Variants in CNNM2 observed in about 807,000 individuals in gnomAD.
The protein encoded by CNNM2 is cyclin and CBS domain divalent metal cation transport mediator 2.
In CNNM2, 12 loss-of-function variants were observed where a neutral mutation model predicts 66.9. The observed-to-expected ratio is 0.18, with a 90% confidence interval of 0.11 to 0.29. The LOEUF (loss-of-function observed/expected upper bound fraction) is 0.29, where lower values mean the gene tolerates loss of function less well. Among genes scored for constraint, CNNM2 ranks in the 10% least tolerant of loss-of-function variants. The probability of loss-of-function intolerance (pLI) is 1.00; values close to 1 mark genes in which losing one functional copy is unlikely to be tolerated. For missense variants in CNNM2, 705 were observed against 1,167.7 expected (o/e 0.60, Z 5.77); for synonymous variants, 557 against 501.8 (o/e 1.11, Z -1.47).
rs554733267 is a variant in CNNM2 at position 102,981,336 on chromosome 10, C to T, written c.1621+61235C>T. On this transcript the variant is annotated intron_variant, in intron 1 of 7. Transcript: ENST00000369878. ...GTGTACTTCAGCTTGGGTGACAGAGCGAGACCAGTCTCAAAAAAAAACCCC... is the reference window on the plus strand; with the variant it reads ...GTGTACTTCAGCTTGGGTGACAGAGTGAGACCAGTCTCAAAAAAAAACCCC... Among the ~76,000 whole-genome samples the T allele has an allele frequency of 3.1e-4, 47 of 151,828 alleles. 1 individual carries two copies. The highest frequency in any genetic ancestry group is 4.0e-4 in the Non-Finnish European group (27 of 67,934).
intron 1 of CNNM2, among the ~76,000 whole-genome samples, chr10:103,004,968 A>G (rs1402694006): frequency 6.6e-6 from 1 of 152,052 alleles, no homozygotes; most frequent in Non-Finnish European, 1.5e-5. Flanking sequence ...GCCCTCCATT[A>G]TTGAATGGTC....
In CNNM2 at chr10:103,020,489, T is replaced by TCAACC. The variant is rs532886161; in HGVS notation, c.1622-29217_1622-29213dup. Among the ~76,000 whole-genome samples the TCAACC allele has an allele frequency of 2.1e-3, 325 of 152,312 alleles. 2 individuals are homozygous for TCAACC. Among genetic ancestry groups the TCAACC allele is most frequent in the African/African-American group, 7.6e-3 (317 of 41,572 alleles). On this transcript the variant is annotated intron_variant, in intron 1 of 7. Coordinates refer to ENST00000369878, the MANE Select transcript of CNNM2 (RefSeq NM_017649.5). ...CTTTGGGTTATATTAATTAATCCAT[T>TCAACC]CAACCAATATTTAATCAGTATTTTC...
At chr10:102,971,269 A>C (rs2063543725) in intron 1 of CNNM2, among the ~76,000 whole-genome samples, 2 of 151,946 alleles carry the variant, frequency 1.3e-5, no homozygotes, top group Non-Finnish European at 2.9e-5. Context: ...AAAGAAAAAA[A>C]AAAAAGTCTC....
rs1282509211 is a variant in CNNM2, at chr10:102,919,880, T to TA, written c.1400_1401insA (p.Phe467LeufsTer6). 6.2e-7 allele frequency: 1 copy of TA among 1,614,198 alleles called. No individual in the cohort carries two copies. The highest frequency in any genetic ancestry group is 8.5e-7 in the Non-Finnish European group (1 of 1,180,038). On this transcript the variant is annotated frameshift_variant, in exon 1 of 8. Transcript: ENST00000369878. LOFTEE classifies it high-confidence loss of function. ...ATCACCGGCGAAGCCATCCTGGACTTCAACACCATGTCTGAGATCATGGAG... is the reference window on the plus strand; with the variant it reads ...ATCACCGGCGAAGCCATCCTGGACTTACAACACCATGTCTGAGATCATGGAG...
chr10:103,011,682 G>GTGTGTGTGTGTGTGTA (rs747928487), intron 1 of CNNM2, among the ~76,000 whole-genome samples: 54 of 148,354 alleles, frequency 3.6e-4, no homozygotes, highest in African/African-American at 1.2e-3. Flanking sequence ...GTGTGTGTGT[G>GTGTGTGTGTGTGTGTA]TGTATGTATA....
In CNNM2 at chr10:103,059,527, A is replaced by G. The variant is rs190287904; in HGVS notation, c.2073+2563A>G. On this transcript the variant is annotated intron_variant, in intron 4 of 7. Transcript: ENST00000369878. ...TTACCATGTACATACCTCCCACTAC[A>G]TATGCATAAAAAAGCCAAAACTTCA... Among the ~76,000 whole-genome samples the G allele has an allele frequency of 4.6e-3, 696 of 152,354 alleles. 25 individuals are homozygous for G. The highest frequency in any genetic ancestry group is 0.043 in the Admixed American group (658 of 15,304).
intron 2 of CNNM2, among the ~76,000 whole-genome samples, chr10:103,053,172 T>A (rs1394162756): frequency 1.3e-5 from 2 of 152,216 alleles, no homozygotes; most frequent in Non-Finnish European, 2.9e-5. Context: ...GTGCCTGCAC[T>A]CTGCTTCTGG....
chr10:103,036,053 C>A (rs1161743542), intron 1 of CNNM2, among the ~76,000 whole-genome samples: 1 of 152,070 alleles, frequency 6.6e-6, no homozygotes, highest in East Asian at 1.9e-4. Flanking sequence ...TTGCTTTCTG[C>A]TTTCTGTTAA....
At chr10:102,937,933 GTTTAA>G (rs1846299277) in intron 1 of CNNM2, among the ~76,000 whole-genome samples, 1 of 151,764 alleles carries the variant, frequency 6.6e-6, no homozygotes, top group Non-Finnish European at 1.5e-5. Context: ...CCCCAGAAAC[GTTTAA>G]TTTAACTATA....
chr10:103,010,195 G>A (rs920464893), intron 1 of CNNM2, among the ~76,000 whole-genome samples: 2 of 151,814 alleles, frequency 1.3e-5, no homozygotes, highest in Non-Finnish European at 2.9e-5. Context: ...AGAGGAAAAT[G>A]TACATTGCAA....
At chr10:103,021,867 G>A (rs2064588789) in intron 1 of CNNM2, among the ~76,000 whole-genome samples, 1 of 152,136 alleles carries the variant, frequency 6.6e-6, no homozygotes, top group Non-Finnish European at 1.5e-5. Flanking sequence ...CTTCTGCCGT[G>A]TATGTGTGAA....
intron 1 of CNNM2, among the ~76,000 whole-genome samples, chr10:102,995,990 G>T (rs556761848): frequency 6.6e-6 from 1 of 152,172 alleles, no homozygotes; most frequent in Non-Finnish European, 1.5e-5. Context: ...ATGAGCCACC[G>T]TGCCTGGCCT....
chr10:103,073,868 C>CAAAAAAAAA (rs61331007), intron 6 of CNNM2, among the ~76,000 whole-genome samples: 2 of 70,240 alleles, frequency 2.8e-5, no homozygotes, highest in Non-Finnish European at 4.9e-5. Context: ...GACTCCGTCT[C>CAAAAAAAAA]AAAAAAAAAA....
chr10:103,039,017 A>G (rs778484621), intron 1 of CNNM2, among the ~76,000 whole-genome samples: 3 of 152,144 alleles, frequency 2.0e-5, no homozygotes, highest in African/African-American at 7.2e-5. Flanking sequence ...AAAAGAAGAT[A>G]CACACAGTTT....
At chr10:102,954,126 CTTTT>C (rs35543663) in intron 1 of CNNM2, among the ~76,000 whole-genome samples, 8 of 133,062 alleles carry the variant, frequency 6.0e-5, no homozygotes, top group Admixed American at 7.7e-5. Context: ...CTTTTCTTTT[CTTTT>C]TTTTTTTTTT....
In CNNM2 at chr10:102,976,611, A is replaced by ATTTTTTTTTTTTTTTTTTTTTT. The variant is rs66498944; in HGVS notation, c.1621+56517_1621+56538dup. On this transcript the variant is annotated intron_variant, in intron 1 of 7. Transcript: ENST00000369878. Reference sequence around the variant, plus strand: ...CAGGTGTGCGCCACACGCCCAGGTAATTTTTTTTTTTTTTTTTTTTTTTTT... The same window carrying ATTTTTTTTTTTTTTTTTTTTTT: ...CAGGTGTGCGCCACACGCCCAGGTAATTTTTTTTTTTTTTTTTTTTTTTTTTTTTTTTTTTTTTTTTTTTTTT... Among the ~76,000 whole-genome samples, 54 of 59,440 alleles carry ATTTTTTTTTTTTTTTTTTTTTT rather than the reference A, an allele frequency of 9.1e-4. 3 individuals carry two copies. The highest frequency in any genetic ancestry group is 1.8e-3 in the East Asian group (5 of 2,734). The allele number at this position is 59,440 out of a possible 152,430, so 39.0% of individuals were successfully genotyped here.
At chr10:103,016,561 G>A (rs2064455349) in intron 1 of CNNM2, among the ~76,000 whole-genome samples, 1 of 152,090 alleles carries the variant, frequency 6.6e-6, no homozygotes, top group South Asian at 2.1e-4. Flanking sequence ...TGTTTCCTGT[G>A]TCATTTGCAA....
At chr10:102,973,726 C>A (rs556033606) in intron 1 of CNNM2, among the ~76,000 whole-genome samples, 1 of 152,170 alleles carries the variant, frequency 6.6e-6, no homozygotes, top group East Asian at 1.9e-4. Context: ...TCATTTTAGA[C>A]CCTTTGAATG....
intron 1 of CNNM2, among the ~76,000 whole-genome samples, chr10:102,953,117 C>T (rs888416246): frequency 6.6e-6 from 1 of 152,070 alleles, no homozygotes; most frequent in Non-Finnish European, 1.5e-5. Context: ...ATGGACATGA[C>T]TTGAGATTTC....
Sources: allele counts gnomAD v4.1 joint callset (sites outside exome capture counted in the v4.1 genomes callset), GRCh38; gene constraint gnomAD v4.1.1; transcripts MANE v1.5; gene names NCBI Gene and HGNC (gene_info 2026-07-23, HGNC 2026-07-21).